The following SGCD variants were observed in gnomAD, a reference collection of about 807,000 sequenced individuals.
SGCD encodes the protein delta-sarcoglycan.
A neutral mutation model predicts 36.6 loss-of-function variants in SGCD; 18 were observed. The observed-to-expected ratio is 0.49, with a 90% CI of 0.34 to 0.73. The LOEUF (loss-of-function observed/expected upper bound fraction) is 0.73, where lower values mean the gene tolerates loss of function less well. Among genes scored for constraint, SGCD ranks in the 30% least tolerant of loss-of-function variants. The probability of loss-of-function intolerance (pLI) is 0.01; values close to 1 mark genes in which losing one functional copy is unlikely to be tolerated. For synonymous variants in SGCD, 133 were observed against 130.6 expected (o/e 1.02, Z -0.12); for missense variants, 387 against 346.7 (o/e 1.12, Z -0.92).
At chr5:156,546,737 C>T (rs1758590219) in intron 4 of SGCD, among the ~76,000 whole-genome samples, 1 of 151,986 alleles carries the variant, frequency 6.6e-6, no homozygotes, top group Admixed American at 6.6e-5. Flanking sequence ...TGGATTAGAC[C>T]AGAATGGAGC....
chr5:156,281,708 A>C (rs761024202), intron 3 of SGCD, among the ~76,000 whole-genome samples: 2 of 152,212 alleles, frequency 1.3e-5, no homozygotes, highest in Non-Finnish European at 2.9e-5. Flanking sequence ...ATAATAAAGT[A>C]GGATGATATG....
intron 1 of SGCD, among the ~76,000 whole-genome samples, chr5:156,049,680 C>A (rs1215913667): frequency 6.8e-6 from 1 of 146,438 alleles, no homozygotes; most frequent in East Asian, 1.9e-4. Flanking sequence ...GAGCAAAGTA[C>A]ATTGAAAACC....
rs1433752522 is a variant in SGCD, at chr5:156,561,746, G to A, written c.295-27485G>A. ...ATTTTTGTTCTATATCACATAGTTA[G>A]GTTTTTTTTATTCTTTTTCATGTTT... On this transcript the variant is annotated intron_variant, in intron 4 of 8. Transcript: ENST00000337851. Among the ~76,000 whole-genome samples the A allele has an allele frequency of 3.3e-5, 5 of 149,396 alleles. No individual in the cohort carries two copies. In the East Asian group the frequency reaches 9.7e-4, roughly 29 times the overall value.
intron 7 of SGCD, among the ~76,000 whole-genome samples, chr5:156,756,047 G>C (rs895099212): frequency 6.6e-6 from 1 of 152,156 alleles, no homozygotes; most frequent in African/African-American, 2.4e-5. Flanking sequence ...GGCAAAAACA[G>C]AACAAAGAAT....
intron 3 of SGCD, among the ~76,000 whole-genome samples, chr5:156,284,112 G>T (rs1017290395): frequency 6.6e-6 from 1 of 152,122 alleles, no homozygotes. Context: ...ACCTTCCCAA[G>T]ACTAAACCAG....
chr5:156,330,320 C>T (rs1440770269), intron 2 of SGCD, among the ~76,000 whole-genome samples: 3 of 152,212 alleles, frequency 2.0e-5, no homozygotes, highest in East Asian at 1.9e-4. Context: ...GTCTGACGAA[C>T]GTGCTGGTAC....
chr5:156,499,017 G>C (rs564175262), intron 3 of SGCD, among the ~76,000 whole-genome samples: 2 of 149,164 alleles, frequency 1.3e-5, no homozygotes, highest in Non-Finnish European at 3.0e-5. Context: ...AATGCAATCT[G>C]CAACTCTTCT....
At chr5:156,087,640 CAAAAAA>C (rs146938753) in intron 1 of SGCD, among the ~76,000 whole-genome samples, 31 of 79,852 alleles carry the variant, frequency 3.9e-4, no homozygotes, top group African/African-American at 1.4e-3. Context: ...AACTCCATCT[CAAAAAA>C]AAAAAAAAAA....
chr5:156,188,044 G>T lies in SGCD; in HGVS notation c.-44+64025G>T, dbSNP rs1262736916. Among the ~76,000 whole-genome samples the T allele has an allele frequency of 5.3e-5, 8 of 152,250 alleles. No individual in the cohort carries two copies. In the East Asian group the frequency reaches 1.5e-3, roughly 29 times the overall value. On this transcript the variant is annotated intron_variant, in intron 3 of 9. Coordinates refer to the SGCD transcript ENST00000517913. ...ATTCAAGGAGGCTGTCATGTTCGGG[G>T]TCATGCTAGTGCAGGGGGGCCTAAG...
intron 1 of SGCD, among the ~76,000 whole-genome samples, chr5:156,117,535 C>T (rs545995328): frequency 3.3e-5 from 5 of 152,236 alleles, no homozygotes; most frequent in African/African-American, 1.2e-4. Context: ...AAAATTAAAT[C>T]CCAAAAATCA....
chr5:156,090,070 T>C (rs1330288944), intron 1 of SGCD, among the ~76,000 whole-genome samples: 1 of 152,186 alleles, frequency 6.6e-6, no homozygotes, highest in African/African-American at 2.4e-5. Flanking sequence ...TTTGCAGCCA[T>C]ATGAGCTGTT....
At chr5:156,413,857 T>G (rs1772895512) in intron 3 of SGCD, among the ~76,000 whole-genome samples, 1 of 152,192 alleles carries the variant, frequency 6.6e-6, no homozygotes, top group Non-Finnish European at 1.5e-5. Flanking sequence ...TTTTTTTTAT[T>G]TTTGGAGTAG....
intron 1 of SGCD, among the ~76,000 whole-genome samples, chr5:155,883,497 G>A (rs1755932344): frequency 1.3e-5 from 2 of 152,048 alleles, no homozygotes; most frequent in African/African-American, 4.8e-5. Flanking sequence ...GTAGTATTAT[G>A]TCTCAGGGAA....
At chr5:156,245,399 T>C (rs1480973842) in intron 3 of SGCD, among the ~76,000 whole-genome samples, 1 of 152,154 alleles carries the variant, frequency 6.6e-6, no homozygotes, top group Non-Finnish European at 1.5e-5. Context: ...ATACCACCAT[T>C]TTACATTCCC....
At chr5:156,562,223 G>A (rs749998618) in intron 4 of SGCD, among the ~76,000 whole-genome samples, 1 of 152,158 alleles carries the variant, frequency 6.6e-6, no homozygotes, top group Non-Finnish European at 1.5e-5. Flanking sequence ...GATAGTTACT[G>A]TGTGTGGGAA....
At chr5:156,652,528 A>G (rs920734297) in intron 7 of SGCD, among the ~76,000 whole-genome samples, 4 of 152,054 alleles carry the variant, frequency 2.6e-5, no homozygotes, top group African/African-American at 9.7e-5. Context: ...ACATACACAG[A>G]ATCATATTGT....
intron 4 of SGCD, among the ~76,000 whole-genome samples, chr5:156,563,821 G>A (rs1268330300): frequency 6.6e-6 from 1 of 151,756 alleles, no homozygotes; most frequent in East Asian, 1.9e-4. Flanking sequence ...CATTATCAAA[G>A]AATGAAGCAG....
rs78569162 is a variant in SGCD, at chr5:156,004,756, A to T, written c.-281-113122A>T. 5.9e-3 allele frequency among the ~76,000 whole-genome samples: 897 copies of T among 152,338 alleles called. 13 individuals are homozygous for T. Among genetic ancestry groups the T allele is most frequent in the African/African-American group, 0.02 (838 of 41,570 alleles). On this transcript the variant is annotated intron_variant, in intron 1 of 9. Coordinates refer to the SGCD transcript ENST00000517913. ...TATTTGTATGTAGTACAAGTGCTCTATAAATTGGGTAAATGAGCCTACCCT... is the reference window on the plus strand; with the variant it reads ...TATTTGTATGTAGTACAAGTGCTCTTTAAATTGGGTAAATGAGCCTACCCT...
At chr5:156,118,727 A>C (rs370422259) in intron 2 of SGCD, among the ~76,000 whole-genome samples, 12 of 152,294 alleles carry the variant, frequency 7.9e-5, no homozygotes, top group African/African-American at 2.9e-4. Context: ...TAAAAGGCTA[A>C]CCAGGAAGGA....
Sources: allele counts gnomAD v4.1 joint callset (sites outside exome capture counted in the v4.1 genomes callset), GRCh38; gene constraint gnomAD v4.1.1; transcripts MANE v1.5; gene names NCBI Gene and HGNC (gene_info 2026-07-23, HGNC 2026-07-21).